Variants in SHARPIN observed in about 807,000 individuals in gnomAD.
SHARPIN encodes hSIPL1.
In SHARPIN, 25 loss-of-function variants were observed where a neutral mutation model predicts 40.3. The observed-to-expected ratio is 0.62, with a 90% CI of 0.45 to 0.87. SHARPIN has a LOEUF of 0.87. SHARPIN is among the 40% of genes least tolerant of loss of function. The probability of loss-of-function intolerance (pLI) is 0.00; values close to 1 mark genes in which losing one functional copy is unlikely to be tolerated. For synonymous variants in SHARPIN, 274 were observed against 221.8 expected, an observed-to-expected ratio of 1.24 and a Z score of -2.09; for missense variants, 551 against 516.1, an observed-to-expected ratio of 1.07 and a Z score of -0.66.
chr8:144,103,163 C>A lies in SHARPIN; in HGVS notation c.264G>T (p.Glu88Asp). The change falls in exon 2 of 9, where the codon GAG (glutamate) becomes GAT (aspartate). Residue 88 changes from glutamate to aspartate, a missense_variant. Physicochemically the swap from Glu to Asp is conservative, Grantham distance 45 (BLOSUM62 2). Transcript: ENST00000398712. ...CAGGCCCTCCTGGTGGAGGCTGTAGCTCGTGCTGGGTGGGGCCTCGGATGG... is the reference window on the plus strand; with the variant it reads ...CAGGCCCTCCTGGTGGAGGCTGTAGATCGTGCTGGGTGGGGCCTCGGATGG... ...SYTIRGPTQH[E>D]LQPPPGGPGT... The A allele has an allele frequency of 1.2e-6, 2 of 1,613,666 alleles. No individual in the cohort carries two copies. The highest frequency in any genetic ancestry group is 1.7e-6 in the Non-Finnish European group (2 of 1,179,986).
intron 3 of SHARPIN, 36 bp downstream of exon 3, chr8:144,099,893 T>TGCCCCCACCCCCCCCCCCCCCCC: frequency 1.3e-6 from 2 of 1,550,916 alleles, no homozygotes; most frequent in South Asian, 1.1e-5. Flanking sequence ...CTATCTGCTA[T>TGCCCCCACCCCCCCCCCCCCCCC]CCCCGAACCC....
chr8:144,103,288 G>T, intron 1 of SHARPIN, 63 bp from the exon 2 acceptor site: 1 of 1,509,702 alleles, frequency 6.6e-7, no homozygotes, highest in Non-Finnish European at 9.0e-7. Flanking sequence ...GAGGAGCAAA[G>T]AAATACAAGG....
Position 144,099,549 on chromosome 8 carries a change from C to T in SHARPIN, c.729G>A (p.Gln243=). The T allele has an allele frequency of 6.2e-7, 1 of 1,614,082 alleles. No homozygotes were observed. Among genetic ancestry groups the T allele is most frequent in the Non-Finnish European group, 8.5e-7 (1 of 1,180,014 alleles). The change falls in exon 5 of 9, where the codon CAG becomes CAA. Residue 243 remains glutamine (Q), a synonymous_variant. Coordinates refer to ENST00000398712, the MANE Select transcript of SHARPIN (RefSeq NM_030974.4). Reference sequence around the variant, plus strand: ...CTGCAACAGTGCAGTGGGGGTGGACCTGCAGGGCAACGTGTGCAGAGGACG... The same window carrying T: ...CTGCAACAGTGCAGTGGGGGTGGACTTGCAGGGCAACGTGTGCAGAGGACG... ...SAASSAHVAL[Q]VHPHCTVAAL...
chr8:144,102,967 G>C, intron 2 of SHARPIN, 84 bp downstream of exon 2: 1 of 1,542,310 alleles, frequency 6.5e-7, no homozygotes, highest in Non-Finnish European at 8.9e-7. Context: ...CCAGCAGTGG[G>C]GAAGGTGGAT....
intron 2 of SHARPIN, among the ~76,000 whole-genome samples, chr8:144,101,527 G>T (rs1279610913): frequency 6.8e-6 from 1 of 147,122 alleles, no homozygotes. Flanking sequence ...TCCTGCCTCA[G>T]CCTCCCGAGT....
rs1836320207 is a variant in SHARPIN at position 144,103,043 on chromosome 8, G to C, written c.376+8C>G. On this transcript the variant is annotated splice_region_variant and intron_variant, in intron 2 of 8. Coordinates refer to ENST00000398712, the MANE Select transcript of SHARPIN (RefSeq NM_030974.4). ...AAATTGTAATTGTATCCATTACAGG[G>C]CACTGACCATTCTGTCCTTCCACGG... The C allele has an allele frequency of 6.2e-7, 1 of 1,612,826 alleles. No individual in the cohort carries two copies. The highest frequency in any genetic ancestry group is 1.7e-5 in the Admixed American group (1 of 59,948).
chr8:144,099,928 CCT>C lies in SHARPIN; in HGVS notation c.516_517del (p.Glu173ArgfsTer53). The C allele has an allele frequency of 6.8e-7, 1 of 1,475,982 alleles. No homozygotes were observed. Among genetic ancestry groups the C allele is most frequent in the Non-Finnish European group, 9.2e-7 (1 of 1,088,598 alleles). 91.4% of individuals were successfully genotyped at this position (1,475,982 alleles called of 1,614,324 possible). On this transcript the variant is annotated frameshift_variant and splice_region_variant, in exon 3 of 9. Coordinates refer to ENST00000398712, the MANE Select transcript of SHARPIN (RefSeq NM_030974.4). LOFTEE classifies it high-confidence loss of function. ...CCCCAACCCCCTCCCCCCACCTGTA[CCT>C]CTCTCCGTCAAGTTTCCAGGGCTCC...
At position 144,098,979 on chromosome 8, in the gene SHARPIN, G is replaced by A. The variant is rs762410517; in HGVS notation, c.1063C>T (p.Pro355Ser). Residue 355 changes from proline to serine, a missense_variant, in exon 8 of 9, where the codon CCT becomes TCT. Coordinates refer to ENST00000398712, the MANE Select transcript of SHARPIN (RefSeq NM_030974.4). ...PSPLQPSWSC[P>S]SCTFINAPDR... ...GGGGCATTGATGAAGGTGCAGGAAG[G>A]ACAGGACCAGCTGGGCTGGGGGAAG... 6.2e-7 allele frequency: 1 copy of A among 1,602,864 alleles called. No individual in the cohort carries two copies. Among genetic ancestry groups the A allele is most frequent in the Admixed American group, 1.8e-5 (1 of 55,678 alleles).
intron 5 of SHARPIN, 37 bp from the exon 6 acceptor site, chr8:144,099,467 G>A (rs769106513): frequency 2.6e-5 from 42 of 1,608,650 alleles, no homozygotes; most frequent in Non-Finnish European, 3.6e-5. Context: ...ATGTCACCTA[G>A]GCTCCTCTGC....
At position 144,099,566 on chromosome 8, in the gene SHARPIN, C is replaced by T. The variant is rs11541802; in HGVS notation, c.712G>A (p.Ala238Thr). 1.2e-6 allele frequency: 2 copies of T among 1,614,114 alleles called. No homozygotes were observed. Among genetic ancestry groups the T allele is most frequent in the Non-Finnish European group, 1.7e-6 (2 of 1,180,006 alleles). ...GGGTGGACCTGCAGGGCAACGTGTGCAGAGGACGCGGCGGATGCGGCAGAG... is the reference window on the plus strand; with the variant it reads ...GGGTGGACCTGCAGGGCAACGTGTGTAGAGGACGCGGCGGATGCGGCAGAG... ...AASAASAASS[A>T]HVALQVHPHC... is the part of the protein sequence containing the mutation. The change falls in exon 5 of 9, where the codon GCA becomes ACA. Residue 238 changes from alanine to threonine, a missense_variant. Coordinates refer to ENST00000398712, the MANE Select transcript of SHARPIN (RefSeq NM_030974.4).
chr8:144,098,867 T>G lies in SHARPIN; in HGVS notation c.*11A>C. The G allele has an allele frequency of 6.4e-7, 1 of 1,572,406 alleles. No homozygotes were observed. The highest frequency in any genetic ancestry group is 8.6e-7 in the Non-Finnish European group (1 of 1,161,996). On this transcript the variant is annotated splice_region_variant and 3_prime_UTR_variant, in exon 8 of 9. Transcript: ENST00000398712. ...CCCTGCCTGTGCCACCTCTGGTACC[T>G]CTGGTGGCTGCTAGGTGGAAGCTGC...
intron 2 of SHARPIN, chr8:144,100,966 G>A (rs533661862): frequency 6.6e-6 from 1 of 152,230 alleles, no homozygotes; most frequent in Admixed American, 6.6e-5. Context: ...CTCCTGAGTA[G>A]CTGGGATCAC....
intron 2 of SHARPIN, 114 bp downstream of exon 2, chr8:144,102,937 C>A: frequency 7.4e-7 from 1 of 1,353,246 alleles, no homozygotes. Flanking sequence ...CTACTCCCTC[C>A]TGGAAGCCTT....
In SHARPIN at chr8:144,098,831, C is replaced by A. The variant is rs200617790; in HGVS notation, c.*12+35G>T. ...GGTCATTCCTGTGGATTCTGCCCTG[C>A]CCCCCACCTCCCCTGCCTGTGCCAC... is the stretch of plus-strand genomic sequence containing the variant. On this transcript the variant is annotated intron_variant, in intron 8 of 8. Transcript: ENST00000398712. 5.6e-6 allele frequency: 8 copies of A among 1,433,428 alleles called. No individual in the cohort carries two copies. The South Asian group carries it at 9.3e-5, about 17-fold the overall frequency. The allele number at this position is 1,433,428 out of a possible 1,614,324, so 88.8% of individuals were successfully genotyped here. A position where few individuals can be genotyped will look rare whatever the true frequency, so the allele number is the denominator to read the frequency against.
chr8:144,099,067 A>G lies in SHARPIN; in HGVS notation c.1047+14T>C. The G allele has an allele frequency of 6.4e-7, 1 of 1,571,546 alleles. No individual in the cohort carries two copies. On this transcript the variant is annotated intron_variant, in intron 7 of 8. Coordinates refer to ENST00000398712, the MANE Select transcript of SHARPIN (RefSeq NM_030974.4). ...ATGGCTGTCCTGGCCCTCCCTGCCC[A>G]GTCCCGTGCCCACCTGGAGTGGACT...
chr8:144,100,503 G>T lies in SHARPIN; in HGVS notation c.377-434C>A, dbSNP rs967505072. On this transcript the variant is annotated intron_variant, in intron 2 of 8. Coordinates refer to ENST00000398712, the MANE Select transcript of SHARPIN (RefSeq NM_030974.4). Reference sequence around the variant, plus strand: ...GCACTCCAGACAAGCCACTGCCCTGGGCGTCTTCAGAGCTGAGCACCCTGC... The same window carrying T: ...GCACTCCAGACAAGCCACTGCCCTGTGCGTCTTCAGAGCTGAGCACCCTGC... Among the ~76,000 whole-genome samples, 10 of 152,282 alleles carry T rather than the reference G, an allele frequency of 6.6e-5. No individual in the cohort carries two copies. The South Asian group carries it at 8.3e-4, about 13-fold the overall frequency.
Position 144,103,703 on chromosome 8 carries a change from G to A in SHARPIN, c.51C>T (p.Ser17=), listed in dbSNP as rs932380597. 1.7e-5 allele frequency: 25 copies of A among 1,476,962 alleles called. No individual in the cohort carries two copies. The South Asian group carries it at 2.8e-4, about 17-fold the overall frequency. 91.5% of individuals were successfully genotyped at this position (1,476,962 alleles called of 1,614,324 possible). A position where few individuals can be genotyped will look rare whatever the true frequency, so the allele number is the denominator to read the frequency against. The change falls in exon 1 of 9, where the codon TCC becomes TCT. Residue 17 remains serine (S), a synonymous_variant. Transcript: ENST00000398712. ...GAAAAASDLG[S]AAVLLAVHAA... is the part of the protein sequence containing the mutation. ...CGTGCACAGCCAAGAGCACTGCGGC[G>A]GAGCCCAAGTCCGAGGCCGCCGCCG...
At chr8:144,103,304 TTTATAGACCATTTACACGGTCCTAAG>T in intron 1 of SHARPIN, 79 bp from the exon 2 acceptor site, 1 of 1,462,114 alleles carries the variant, frequency 6.8e-7, no homozygotes, top group Non-Finnish European at 9.3e-7. Flanking sequence ...CAAGGTAACA[TTTATAGACCATTTACACGGTCCTAAG>T]CCCTGTACGC....
At chr8:144,102,823 G>A in intron 2 of SHARPIN, 1 of 624,866 alleles carries the variant, frequency 1.6e-6, no homozygotes, top group Non-Finnish European at 2.9e-6. Flanking sequence ...AGGTTCCAGG[G>A]CTTCCTGGTG....
Sources: allele counts gnomAD v4.1 joint callset (sites outside exome capture counted in the v4.1 genomes callset), GRCh38; gene constraint gnomAD v4.1.1; transcripts MANE v1.5; gene names NCBI Gene and HGNC (gene_info 2026-07-23, HGNC 2026-07-21).